The following ABCA4 variants were observed in gnomAD, a reference collection of about 807,000 sequenced individuals.
The protein encoded by ABCA4 is retinal-specific phospholipid-transporting ATPase ABCA4.
Under a neutral mutation model 263.7 loss-of-function variants are expected in ABCA4, and 196 were observed. That is an observed-to-expected ratio of 0.74 (90% CI 0.66 to 0.84). The LOEUF (loss-of-function observed/expected upper bound fraction) is 0.84, where lower values mean the gene tolerates loss of function less well. Among genes scored for constraint, ABCA4 ranks in the 40% least tolerant of loss-of-function variants. The pLI is 0.00. For missense variants in ABCA4, 2,792 were observed against 2,855.1 expected, an observed-to-expected ratio of 0.98 and a Z score of 0.50; for synonymous variants, 1,133 against 1,094.2, an observed-to-expected ratio of 1.04 and a Z score of -0.70.
At chr1:94,057,233 C>A (rs761391769) in intron 14 of ABCA4, among the ~76,000 whole-genome samples, 1 of 152,198 alleles carries the variant, frequency 6.6e-6, no homozygotes, top group Non-Finnish European at 1.5e-5. Context: ...GGGCCCTGAA[C>A]CACTTGTGAT....
At chr1:94,111,188 T>G (rs1341726166) in intron 3 of ABCA4, among the ~76,000 whole-genome samples, 1 of 152,194 alleles carries the variant, frequency 6.6e-6, no homozygotes, top group Non-Finnish European at 1.5e-5. Flanking sequence ...AGACTCCAGG[T>G]CACATTCTGG....
Position 94,046,907 on chromosome 1 carries a change from TG to T in ABCA4, c.2918+11del. Reference sequence around the variant, plus strand: ...CTAGCATGGCAGCCAGCTTCTCTGCTGGAAGACTCACAAGGTGGTGGTTTTC... The same window carrying T: ...CTAGCATGGCAGCCAGCTTCTCTGCTGAAGACTCACAAGGTGGTGGTTTTC... On this transcript the variant is annotated intron_variant, in intron 19 of 49. Transcript: ENST00000370225. 6.2e-7 allele frequency: 1 copy of T among 1,613,836 alleles called. No homozygotes were observed. Among genetic ancestry groups the T allele is most frequent in the Non-Finnish European group, 8.5e-7 (1 of 1,179,890 alleles).
At chr1:94,005,257 G>T in intron 44 of ABCA4, 184 bp downstream of exon 44, 4 of 717,894 alleles carry the variant, frequency 5.6e-6, no homozygotes, top group Non-Finnish European at 6.8e-6. Context: ...TGTCTGTCTT[G>T]TTCACTGCTA....
Position 94,021,903 on chromosome 1 carries a change from C to G in ABCA4, c.4716G>C (p.Thr1572=), listed in dbSNP as rs761897059. Residue 1572 remains threonine (T), a synonymous_variant, in exon 33 of 50, where the codon ACG becomes ACC. Transcript: ENST00000370225. ...IGGKLPVVPI[T]GEALVGFLSD... ...TTAAAAACCCAACAAGTGCTTCCCC[C>G]GTGATGGGGACGACTGGGAGCTTTC... is the stretch of plus-strand genomic sequence containing the variant. The G allele has an allele frequency of 6.2e-7, 1 of 1,614,176 alleles. No homozygotes were observed.
At chr1:94,021,505 G>T (rs2101023320) in intron 34 of ABCA4, 96 bp from the exon 35 acceptor site, 2 of 1,558,432 alleles carry the variant, frequency 1.3e-6, no homozygotes, top group Non-Finnish European at 1.8e-6. Context: ...GGAAGGGTTT[G>T]GTAGCTGGAA....
chr1:94,112,858 A>T (rs778082893), intron 2 of ABCA4, 115 bp downstream of exon 2: 34 of 792,938 alleles, frequency 4.3e-5, no homozygotes, highest in Non-Finnish European at 7.0e-5. Flanking sequence ...CATCATAGAC[A>T]TGAAATGATG....
At chr1:94,050,807 C>T (rs968210760) in intron 17 of ABCA4, among the ~76,000 whole-genome samples, 7 of 152,172 alleles carry the variant, frequency 4.6e-5, no homozygotes, top group Admixed American at 2.6e-4. Context: ...AAAGACTAAT[C>T]CCCCAGAGAA....
intron 1 of ABCA4, among the ~76,000 whole-genome samples, chr1:94,118,811 G>A (rs1348826839): frequency 6.6e-6 from 1 of 152,218 alleles, no homozygotes; most frequent in Non-Finnish European, 1.5e-5. Flanking sequence ...GCCAGCGAAA[G>A]GCCAGATTGA....
At chr1:94,055,389 G>C in intron 15 of ABCA4, 74 bp from the exon 16 acceptor site, 1 of 1,474,070 alleles carries the variant, frequency 6.8e-7, no homozygotes, top group Non-Finnish European at 9.4e-7. Context: ...AGATGCCCTC[G>C]AGGTAGAGGG....
intron 1 of ABCA4, among the ~76,000 whole-genome samples, chr1:94,118,616 C>T (rs4147802): frequency 0.087 from 13,260 of 152,162 alleles, 709 homozygotes; most frequent in East Asian, 0.25. Flanking sequence ...GGGGAGCCAT[C>T]GGGAGGCGTG....
Position 94,019,576 on chromosome 1 carries a change from A to G in ABCA4, c.5196+6T>C, listed in dbSNP as rs1226023826. 5.0e-6 allele frequency: 8 copies of G among 1,599,378 alleles called. No homozygotes were observed. Among genetic ancestry groups the G allele is most frequent in the Non-Finnish European group, 6.8e-6 (8 of 1,172,472 alleles). ...GGGGAGGGAGGCGCTGTAAACTGAC[A>G]CTTACGATGTCCCAGAGGAAGTTGG... On this transcript the variant is annotated splice_donor_region_variant and intron_variant, in intron 36 of 49. Coordinates refer to ENST00000370225, the MANE Select transcript of ABCA4 (RefSeq NM_000350.3).
rs148460146 is a variant in ABCA4 at position 94,005,469 on chromosome 1, C to T, written c.6119G>A (p.Arg2040Gln). The change falls in exon 44 of 50, where the codon CGA (arginine) becomes CAA (glutamine). Residue 2040 changes from arginine to glutamine, a missense_variant. Transcript: ENST00000370225. ...REHLYLYARL[R>Q]GVPAEEIEKV... is the part of the protein sequence containing the mutation. Reference sequence around the variant, plus strand: ...TTCGATTTCTTCTGCTGGTACACCTCGAAGCCGGGCATAAAGGTAAAGATG... The same window carrying T: ...TTCGATTTCTTCTGCTGGTACACCTTGAAGCCGGGCATAAAGGTAAAGATG... 251 of 1,614,128 alleles carry T rather than the reference C, an allele frequency of 1.6e-4. 2 individuals are homozygous for T. In the East Asian group the frequency reaches 1.8e-3, roughly 12 times the overall value.
At chr1:94,115,404 A>C (rs1414657498) in intron 1 of ABCA4, among the ~76,000 whole-genome samples, 1 of 152,186 alleles carries the variant, frequency 6.6e-6, no homozygotes, top group Non-Finnish European at 1.5e-5. Context: ...GTTAACAACC[A>C]CTTTGGGGCT....
chr1:94,058,361 T>A (rs932201273), intron 14 of ABCA4, among the ~76,000 whole-genome samples: 1 of 152,288 alleles, frequency 6.6e-6, no homozygotes, highest in Non-Finnish European at 1.5e-5. Context: ...TCAATTTCTT[T>A]TTTATTTATT....
intron 41 of ABCA4, 88 bp from the exon 42 acceptor site, chr1:94,008,385 G>A: frequency 7.4e-7 from 1 of 1,347,118 alleles, no homozygotes; most frequent in Non-Finnish European, 1.1e-6. Context: ...GGATGGTTTA[G>A]GAGAAAACTA....
chr1:94,029,663 A>G, intron 29 of ABCA4, 32 bp from the exon 30 acceptor site: 1 of 1,599,020 alleles, frequency 6.3e-7, no homozygotes, highest in Non-Finnish European at 8.5e-7. Context: ...TTCCATAATC[A>G]GCCTCAAAGT....
intron 3 of ABCA4, among the ~76,000 whole-genome samples, chr1:94,109,341 C>T (rs1662535168): frequency 6.6e-6 from 1 of 152,118 alleles, no homozygotes; most frequent in Non-Finnish European, 1.5e-5. Context: ...CAGTTTTTAC[C>T]CAATTCTCTG....
chr1:94,111,644 G>A, intron 2 of ABCA4, 65 bp from the exon 3 acceptor site: 2 of 1,600,326 alleles, frequency 1.2e-6, no homozygotes, highest in South Asian at 1.1e-5. Context: ...TGCAGACCTA[G>A]GAGTTGGCCT....
At chr1:94,065,623 A>C (rs1224362612) in intron 11 of ABCA4, among the ~76,000 whole-genome samples, 1 of 152,228 alleles carries the variant, frequency 6.6e-6, no homozygotes, top group Non-Finnish European at 1.5e-5. Context: ...CTCAGCCTCC[A>C]TGCCCTGGGG....
Sources: allele counts gnomAD v4.1 joint callset (sites outside exome capture counted in the v4.1 genomes callset), GRCh38; gene constraint gnomAD v4.1.1; transcripts MANE v1.5; gene names NCBI Gene and HGNC (gene_info 2026-07-23, HGNC 2026-07-21).